Variants in PITPNC1 observed in about 807,000 individuals in gnomAD.
The protein encoded by PITPNC1 is cytoplasmic phosphatidylinositol transfer protein 1.
A neutral mutation model predicts 44.7 loss-of-function variants in PITPNC1; 18 were observed. The observed-to-expected ratio is 0.40, with a 90% CI of 0.28 to 0.60. PITPNC1 has a LOEUF of 0.60. Among genes scored for constraint, PITPNC1 ranks in the 20% least tolerant of loss-of-function variants. The probability of loss-of-function intolerance (pLI) is 0.39; values close to 1 mark genes in which losing one functional copy is unlikely to be tolerated. For synonymous variants in PITPNC1, 141 were observed against 149.6 expected (o/e 0.94, Z 0.42); for missense variants, 290 against 418.4 (o/e 0.69, Z 2.68).
Position 67,520,755 on chromosome 17 carries a change from G to A in PITPNC1, c.49-12047G>A, listed in dbSNP as rs570535650. Among the ~76,000 whole-genome samples, 4 of 152,218 alleles carry A rather than the reference G, an allele frequency of 2.6e-5. 1 individual carries two copies. In the South Asian group the frequency reaches 8.3e-4, roughly 32 times the overall value. ...TAGAGCCAACTGCCCTTGTGGTTTC[G>A]AGTTGAGTTCTGGCAGTTCCTGTCT... is the stretch of plus-strand genomic sequence containing the variant. On this transcript the variant is annotated intron_variant, in intron 1 of 8. Transcript: ENST00000581322.
At position 67,632,153 on chromosome 17, in the gene PITPNC1, A is replaced by G. The variant is rs1171446342; in HGVS notation, c.377A>G (p.Asn126Ser). ...NKGSNDTIFD[N>S]EAKDVEREVC... ...GCTCTGCTTTTTCAGATTTTCGACA[A>G]TGAAGCCAAAGACGTGGAGAGAGAA... is the stretch of plus-strand genomic sequence containing the variant. The change falls in exon 6 of 9, where the codon AAT becomes AGT. Residue 126 changes from asparagine (N) to serine (S), a missense_variant. By Grantham distance (46) the Asn-to-Ser change is conservative. Coordinates refer to ENST00000581322, the MANE Select transcript of PITPNC1 (RefSeq NM_012417.4). 3.7e-6 allele frequency: 6 copies of G among 1,610,582 alleles called. No homozygotes were observed. The highest frequency in any genetic ancestry group is 1.7e-6 in the Non-Finnish European group (2 of 1,176,844).
intron 1 of PITPNC1, among the ~76,000 whole-genome samples, chr17:67,462,922 G>A (rs980289597): frequency 1.3e-5 from 2 of 151,554 alleles, no homozygotes; most frequent in African/African-American, 2.4e-5. Flanking sequence ...GGTTGGTCTC[G>A]AACTCCCGAC....
chr17:67,603,380 G>A (rs2934576), intron 5 of PITPNC1, among the ~76,000 whole-genome samples: 2 of 152,146 alleles, frequency 1.3e-5, no homozygotes, highest in African/African-American at 4.8e-5. Flanking sequence ...ATGGTCAGAC[G>A]GATATTGGCA....
rs1173229167 is a variant in PITPNC1 at position 67,696,135 on chromosome 17, T to C, written c.*3247T>C. ...TATTTGGAAGTATTTATTAGCCATG[T>C]TGTTGGTCCTGAAAATAAATCTCTA... On this transcript the variant is annotated 3_prime_UTR_variant, in exon 9 of 9. Transcript: ENST00000581322. 1 of 152,236 alleles carries C rather than the reference T, an allele frequency of 6.6e-6. No homozygotes were observed. Among genetic ancestry groups the C allele is most frequent in the Non-Finnish European group, 1.5e-5 (1 of 68,044 alleles). The allele number at this position is 152,236 out of a possible 1,614,324, so 9.4% of individuals were successfully genotyped here. A position where few individuals can be genotyped will look rare whatever the true frequency, so the allele number is the denominator to read the frequency against.
chr17:67,548,226 C>T (rs1184924118), intron 2 of PITPNC1, among the ~76,000 whole-genome samples: 2 of 152,156 alleles, frequency 1.3e-5, no homozygotes, highest in Non-Finnish European at 2.9e-5. Context: ...CCAGGGAAGT[C>T]CCAGGCAAAC....
intron 4 of PITPNC1, among the ~76,000 whole-genome samples, chr17:67,566,888 A>AC (rs1274300813): frequency 6.6e-6 from 1 of 152,248 alleles, no homozygotes; most frequent in African/African-American, 2.4e-5. Flanking sequence ...TCAGAGCTAG[A>AC]CAGCCTGGCT....
At chr17:67,381,440 A>G (rs112158917) in intron 1 of PITPNC1, among the ~76,000 whole-genome samples, 1 of 147,054 alleles carries the variant, frequency 6.8e-6, no homozygotes, top group African/African-American at 2.5e-5. Context: ...TTCAACCTAC[A>G]TGGAACTTCT....
intron 4 of PITPNC1, among the ~76,000 whole-genome samples, chr17:67,567,794 G>A (rs75564156): frequency 0.024 from 3,712 of 152,006 alleles, 67 homozygotes; most frequent in Middle Eastern, 0.054. Flanking sequence ...CCAACATGGT[G>A]AAACCCCATC....
intron 2 of PITPNC1, among the ~76,000 whole-genome samples, chr17:67,538,588 A>G (rs376452019): frequency 8.5e-5 from 13 of 152,360 alleles, no homozygotes; most frequent in East Asian, 7.7e-4. Context: ...CAACAGAGCA[A>G]GACCCTGTCT....
At chr17:67,587,611 C>T (rs571229383) in intron 5 of PITPNC1, among the ~76,000 whole-genome samples, 48 of 152,252 alleles carry the variant, frequency 3.2e-4, no homozygotes, top group African/African-American at 1.1e-3. Context: ...CTAGATGCTC[C>T]GAGATAGAGA....
chr17:67,437,706 C>T (rs1284320166), intron 1 of PITPNC1, among the ~76,000 whole-genome samples: 1 of 152,100 alleles, frequency 6.6e-6, no homozygotes, highest in Non-Finnish European at 1.5e-5. Flanking sequence ...GGTGGTCTTA[C>T]CAGGAACTCA....
intron 1 of PITPNC1, among the ~76,000 whole-genome samples, chr17:67,418,590 T>C (rs1390996242): frequency 6.6e-6 from 1 of 151,912 alleles, no homozygotes. Context: ...GGAGTTTTGC[T>C]CTGTCACCCA....
intron 5 of PITPNC1, among the ~76,000 whole-genome samples, chr17:67,583,612 G>A (rs28680305): frequency 0.38 from 55,842 of 147,294 alleles, 11,104 homozygotes; most frequent in South Asian, 0.56. Context: ...AAATCACCTG[G>A]GAAGATTTAG....
chr17:67,665,470 T>C (rs1204445591), intron 6 of PITPNC1, among the ~76,000 whole-genome samples: 4 of 152,212 alleles, frequency 2.6e-5, no homozygotes, highest in Admixed American at 2.6e-4. Flanking sequence ...CTAGGTTAAA[T>C]GGTAACCCTA....
intron 1 of PITPNC1, among the ~76,000 whole-genome samples, chr17:67,475,390 C>A (rs999043941): frequency 6.6e-6 from 1 of 152,122 alleles, no homozygotes; most frequent in African/African-American, 2.4e-5. Flanking sequence ...ATAAAACAGC[C>A]CGGGGTGTTT....
chr17:67,617,634 C>T (rs777743425), intron 5 of PITPNC1, among the ~76,000 whole-genome samples: 2 of 152,232 alleles, frequency 1.3e-5, no homozygotes, highest in Non-Finnish European at 2.9e-5. Flanking sequence ...GCCAGAAGTC[C>T]CAGGTCAAGG....
intron 1 of PITPNC1, among the ~76,000 whole-genome samples, chr17:67,468,558 C>T (rs749515507): frequency 2.0e-5 from 3 of 151,170 alleles, no homozygotes; most frequent in Non-Finnish European, 2.9e-5. Flanking sequence ...CCCACCACCA[C>T]GCCCAGCTAA....
chr17:67,578,303 A>C, intron 5 of PITPNC1, 46 bp downstream of exon 5: 1 of 1,312,848 alleles, frequency 7.6e-7, no homozygotes, highest in Non-Finnish European at 1.1e-6. Context: ...GTGGGCTCTG[A>C]ATATCACAGC....
At chr17:67,461,044 G>T (rs1330332372) in intron 1 of PITPNC1, among the ~76,000 whole-genome samples, 2 of 152,088 alleles carry the variant, frequency 1.3e-5, no homozygotes, top group Non-Finnish European at 2.9e-5. Context: ...CGCCCGGCCA[G>T]TGTGACCAAA....
Sources: allele counts gnomAD v4.1 joint callset (sites outside exome capture counted in the v4.1 genomes callset), GRCh38; gene constraint gnomAD v4.1.1; transcripts MANE v1.5; gene names NCBI Gene and HGNC (gene_info 2026-07-23, HGNC 2026-07-21).